PCDHGB1: variants seen among roughly 807,000 people sequenced by gnomAD.
PCDHGB1 encodes the protein protocadherin gamma-B1.
In PCDHGB1, 34 loss-of-function variants were observed where a neutral mutation model predicts 56.6. That is an observed-to-expected ratio of 0.60 (90% CI 0.46 to 0.80). The LOEUF (loss-of-function observed/expected upper bound fraction) is 0.80. PCDHGB1 is among the 30% of genes least tolerant of loss of function. The pLI is 0.00. For synonymous variants in PCDHGB1, 561 were observed against 505.9 expected (o/e 1.11, Z -1.46); for missense variants, 1,278 against 1,204.6 (o/e 1.06, Z -0.90).
In PCDHGB1 at chr5:141,477,017, A is replaced by G; in HGVS notation, c.2410-17790A>G. 2 of 1,614,220 alleles carry G rather than the reference A, an allele frequency of 1.2e-6. No homozygotes were observed. The highest frequency in any genetic ancestry group is 2.2e-5 in the East Asian group (1 of 44,868). ...GCAACTATTCGCCTTAGACCTTGTA[A>G]CCGGGATGCTGACAATCAAGGGTCG... On this transcript the variant is annotated intron_variant, in intron 1 of 3. Coordinates refer to ENST00000523390, the MANE Select transcript of PCDHGB1 (RefSeq NM_018922.3). This position sits in a 1 kb window ranked among gnomAD's most constrained non-coding sequence, Gnocchi z 4.9.
chr5:141,417,871 C>T (rs1317007566), intron 1 of PCDHGB1: 1 of 1,554,006 alleles, frequency 6.4e-7, no homozygotes, highest in African/African-American at 1.4e-5. Context: ...TGGGAGGGAG[C>T]TGCGCGCAGA....
intron 1 of PCDHGB1, chr5:141,371,912 C>G (rs1768180129): frequency 6.2e-7 from 1 of 1,613,380 alleles, no homozygotes; most frequent in Non-Finnish European, 8.5e-7. Flanking sequence ...CCTACGTGTC[C>G]GTGAGCGCGC....
intron 1 of PCDHGB1, chr5:141,400,533 C>A (rs1416453682): frequency 6.2e-7 from 1 of 1,613,900 alleles, no homozygotes; most frequent in Non-Finnish European, 8.5e-7. Context: ...TGGTGAGTTT[C>A]ATTTATGTCT....
intron 1 of PCDHGB1, chr5:141,393,085 A>T (rs1350561914): frequency 5.6e-6 from 9 of 1,613,542 alleles, no homozygotes; most frequent in Non-Finnish European, 7.6e-6. Flanking sequence ...GGCAGGATAG[A>T]TCGGGAGGAG....
chr5:141,430,622 A>T, intron 1 of PCDHGB1: 1 of 752,270 alleles, frequency 1.3e-6, no homozygotes, highest in Admixed American at 2.9e-5. Context: ...GATAGCTAGG[A>T]ATGAACCATC....
At chr5:141,409,821 C>T in intron 1 of PCDHGB1, 1 of 1,610,940 alleles carries the variant, frequency 6.2e-7, no homozygotes, top group Non-Finnish European at 8.5e-7. Flanking sequence ...CACGGCTCGC[C>T]CACGCTCAGC....
At chr5:141,390,865 T>C (rs982852872) in intron 1 of PCDHGB1, 3 of 151,096 alleles carry the variant, frequency 2.0e-5, no homozygotes, top group Non-Finnish European at 2.9e-5. Context: ...ACGCTGTGTG[T>C]GCGTGTGTGT....
intron 1 of PCDHGB1, 115 bp from the exon 2 acceptor site, chr5:141,494,692 C>G: frequency 6.3e-7 from 1 of 1,581,934 alleles, no homozygotes; most frequent in South Asian, 1.1e-5. Context: ...CCTCTTAGTC[C>G]GTTTTCTTCT....
chr5:141,467,993 C>A (rs984508296), intron 1 of PCDHGB1, among the ~76,000 whole-genome samples: 1 of 152,058 alleles, frequency 6.6e-6, no homozygotes, highest in Admixed American at 6.6e-5. Context: ...AACCACAATT[C>A]TTTCTTCCTC....
chr5:141,477,379 A>C lies in PCDHGB1; in HGVS notation c.2410-17428A>C, dbSNP rs1293075706. The stretch of plus-strand genomic sequence containing the variant: ...CAGACCTGGATCGGGAGACTGTGCC[A>C]GAATACAACCTCAGCATCACCGCCC... On this transcript the variant is annotated intron_variant, in intron 1 of 3. Transcript: ENST00000523390. This position sits in a 1 kb window ranked among gnomAD's most constrained non-coding sequence, Gnocchi z 4.9. 2 of 1,614,184 alleles carry C rather than the reference A, an allele frequency of 1.2e-6. No homozygotes were observed. Among genetic ancestry groups the C allele is most frequent in the Non-Finnish European group, 1.7e-6 (2 of 1,180,034 alleles).
rs775898365 is a variant in PCDHGB1 at position 141,476,425 on chromosome 5, T to C, written c.2410-18382T>C. On this transcript the variant is annotated intron_variant, in intron 1 of 3. Transcript: ENST00000523390. This position sits in a 1 kb window ranked among gnomAD's most constrained non-coding sequence, Gnocchi z 7.6. ...AGGAGCTGTGTGGGACACTGCCCTC[T>C]TGCACTGTAACTCTGGAGTTGGTAG... is the stretch of plus-strand genomic sequence containing the variant. The C allele has an allele frequency of 1.2e-6, 2 of 1,614,108 alleles. No homozygotes were observed. Among genetic ancestry groups the C allele is most frequent in the East Asian group, 4.5e-5 (2 of 44,848 alleles).
intron 1 of PCDHGB1, among the ~76,000 whole-genome samples, chr5:141,458,512 TG>T (rs995261761): frequency 1.3e-5 from 2 of 150,194 alleles, no homozygotes; most frequent in East Asian, 1.9e-4. Flanking sequence ...TTTGACACTT[TG>T]TTTTTTTTTT....
chr5:141,389,481 C>T (rs372276550), intron 1 of PCDHGB1: 5 of 1,612,962 alleles, frequency 3.1e-6, no homozygotes, highest in African/African-American at 1.3e-5. Context: ...ACTGCAGGCC[C>T]GCGACCAGGG....
intron 1 of PCDHGB1, among the ~76,000 whole-genome samples, chr5:141,437,415 G>A: frequency 6.6e-6 from 1 of 152,162 alleles, no homozygotes; most frequent in Non-Finnish European, 1.5e-5. Context: ...GAAGTATTAT[G>A]CTTTTTGAAG....
chr5:141,450,052 G>C (rs2098667259), intron 1 of PCDHGB1, among the ~76,000 whole-genome samples: 1 of 141,832 alleles, frequency 7.1e-6, no homozygotes, highest in African/African-American at 2.7e-5. Flanking sequence ...TTTCGCCCAG[G>C]CTGGAATGCA....
At chr5:141,425,429 A>G in intron 1 of PCDHGB1, among the ~76,000 whole-genome samples, 1 of 152,254 alleles carries the variant, frequency 6.6e-6, no homozygotes, top group East Asian at 1.9e-4. Flanking sequence ...CCCATTAAAT[A>G]GAGGATAAAA....
intron 1 of PCDHGB1, among the ~76,000 whole-genome samples, chr5:141,373,541 T>A (rs1769670522): frequency 6.6e-6 from 1 of 152,216 alleles, no homozygotes. Context: ...TGTTTGTGGT[T>A]GTTGGTACCC....
At chr5:141,418,124 C>G (rs762154093) in intron 1 of PCDHGB1, 1 of 1,613,836 alleles carries the variant, frequency 6.2e-7, no homozygotes, top group African/African-American at 1.3e-5. Context: ...TGTGAAGGAC[C>G]GAATAGACCG....
chr5:141,417,507 A>G (rs573832786), intron 1 of PCDHGB1: 1 of 234,942 alleles, frequency 4.3e-6, no homozygotes, highest in Non-Finnish European at 8.1e-6. Context: ...AAAGATTAAA[A>G]TATTTTGGCT....
Sources: allele counts gnomAD v4.1 joint callset (sites outside exome capture counted in the v4.1 genomes callset), GRCh38; gene constraint gnomAD v4.1.1; non-coding constraint Gnocchi (gnomAD v3.1); transcripts MANE v1.5; gene names NCBI Gene and HGNC (gene_info 2026-07-23, HGNC 2026-07-21).